Variants in ADGRV1 observed in about 807,000 individuals in gnomAD.
The protein encoded by ADGRV1 is G-protein coupled receptor 98.
Under a neutral mutation model 596.2 loss-of-function variants are expected in ADGRV1, and 359 were observed. The observed-to-expected ratio is 0.60, with a 90% confidence interval of 0.55 to 0.66. The LOEUF (loss-of-function observed/expected upper bound fraction) is 0.66. Ranked by LOEUF, ADGRV1 falls within the 30% of genes least tolerant of loss-of-function variation. The pLI, the probability that ADGRV1 is intolerant of heterozygous loss-of-function variation, is 0.00. For missense variants in ADGRV1, 7,274 were observed against 7,575.6 expected (o/e 0.96, Z 1.48); for synonymous variants, 2,681 against 2,679.2 (o/e 1.00, Z -0.02).
rs1765375520 is a variant in ADGRV1, at chr5:90,840,972, A to G, written c.17006A>G (p.His5669Arg). 7.2e-7 allele frequency: 1 copy of G among 1,387,924 alleles called. No individual in the cohort carries two copies. Among genetic ancestry groups the G allele is most frequent in the African/African-American group, 1.4e-5 (1 of 69,448 alleles). The allele number at this position is 1,387,924 out of a possible 1,614,324, so 86.0% of individuals were successfully genotyped here. ...NTDEQLSAMM[H>R]LIEKITTEGK... ...GATGAACAACTCAGTGCCATGATGC[A>G]TTTAATAGAAAAGGTAAGTTTTTGT... The change falls in exon 78 of 90, where the codon CAT becomes CGT. Residue 5669 changes from histidine to arginine, a missense_variant. By Grantham distance (29) the His-to-Arg change is conservative. Around this residue, in one of 5 missense-constraint regions of ADGRV1, gnomAD observed 1,874 missense variants for 1,970.2 expected, o/e 0.95. Transcript: ENST00000405460.
At chr5:90,831,244 T>C (rs1310173975) in intron 77 of ADGRV1, among the ~76,000 whole-genome samples, 3 of 151,282 alleles carry the variant, frequency 2.0e-5, no homozygotes, top group Admixed American at 6.6e-5. Flanking sequence ...TCTATATATA[T>C]ATACACACAC....
intron 83 of ADGRV1, among the ~76,000 whole-genome samples, chr5:90,962,835 A>T (rs1333046006): frequency 6.6e-6 from 1 of 152,222 alleles, no homozygotes; most frequent in Non-Finnish European, 1.5e-5. Flanking sequence ...AGTGTAATAA[A>T]ATATCAAATC....
At chr5:90,987,902 C>T (rs964389354) in intron 85 of ADGRV1, among the ~76,000 whole-genome samples, 6 of 152,038 alleles carry the variant, frequency 3.9e-5, no homozygotes, top group South Asian at 2.1e-4. Flanking sequence ...CTTTCTGGAA[C>T]GTGTTTTCTC....
At chr5:90,622,828 C>G (rs1764268015) in intron 5 of ADGRV1, 127 bp downstream of exon 5, 8 of 379,296 alleles carry the variant, frequency 2.1e-5, no homozygotes, top group Non-Finnish European at 3.7e-5. Context: ...GCAACCTCTG[C>G]CTCCCAGGTT....
At chr5:90,968,739 A>G (rs1201267007) in intron 84 of ADGRV1, among the ~76,000 whole-genome samples, 4 of 152,198 alleles carry the variant, frequency 2.6e-5, no homozygotes, top group South Asian at 2.1e-4. Flanking sequence ...TTTTAAAAAC[A>G]TTATGTAGAA....
At chr5:90,573,598 A>G (rs1054415375) in intron 1 of ADGRV1, among the ~76,000 whole-genome samples, 12 of 152,188 alleles carry the variant, frequency 7.9e-5, no homozygotes, top group East Asian at 7.7e-4. Flanking sequence ...ATGGACCACC[A>G]TCATATACCT....
At chr5:90,743,534 C>T (rs1194448786) in intron 50 of ADGRV1, among the ~76,000 whole-genome samples, 2 of 147,352 alleles carry the variant, frequency 1.4e-5, no homozygotes, top group African/African-American at 2.5e-5. Flanking sequence ...AGCAGTGGCA[C>T]GATCTCGGCT....
intron 87 of ADGRV1, among the ~76,000 whole-genome samples, chr5:91,140,799 T>C (rs1174061080): frequency 9.2e-5 from 14 of 152,348 alleles, no homozygotes; most frequent in Non-Finnish European, 1.8e-4. Context: ...AGAAATAGTC[T>C]GGCTCCTGAT....
rs192477196 is a variant in ADGRV1, at chr5:90,652,494, C to T, written c.3565C>T (p.Leu1189Phe). The T allele has an allele frequency of 3.7e-6, 6 of 1,613,228 alleles. No individual in the cohort carries two copies. In the African/African-American group the frequency reaches 8.0e-5, roughly 22 times the overall value. The change falls in exon 19 of 90, where the codon CTC becomes TTC. Residue 1189 changes from leucine (L) to phenylalanine (F), a missense_variant. This residue lies in a region of ADGRV1 where 1,715 missense variants were observed against 1,708.8 expected (regional missense o/e 1.00). Transcript: ENST00000405460. ...TGGAGAAGAAGCAAAACCAATCATT[C>T]TCCATGCTTTTCCAGATAAAATTCC... The part of the protein sequence containing the change: ...MDGEEAKPII[L>F]HAFPDKIPEF...
In ADGRV1 at chr5:90,675,185, A is replaced by G. The variant is rs1488542664; in HGVS notation, c.5111-58A>G. The G allele has an allele frequency of 2.8e-6, 4 of 1,429,634 alleles. No homozygotes were observed. In the African/African-American group the frequency reaches 4.2e-5, roughly 15 times the overall value. The allele number at this position is 1,429,634 out of a possible 1,614,324, so 88.6% of individuals were successfully genotyped here. On this transcript the variant is annotated intron_variant, in intron 23 of 89. Coordinates refer to ENST00000405460, the MANE Select transcript of ADGRV1 (RefSeq NM_032119.4). ...AATTGTGTAAGATCGCTTTAATTGAATAAGAAATTCTTGCACAGTTCATTG... is the reference window on the plus strand; with the variant it reads ...AATTGTGTAAGATCGCTTTAATTGAGTAAGAAATTCTTGCACAGTTCATTG...
In ADGRV1 at chr5:90,653,770, A is replaced by G; in HGVS notation, c.4196A>G (p.His1399Arg). The G allele has an allele frequency of 3.1e-6, 5 of 1,613,406 alleles. No individual in the cohort carries two copies. Among genetic ancestry groups the G allele is most frequent in the Non-Finnish European group, 4.2e-6 (5 of 1,179,654 alleles). Residue 1399 changes from histidine (H) to arginine (R), a missense_variant, in exon 20 of 90, where the codon CAT becomes CGT. Physicochemically the swap from His to Arg is conservative, Grantham distance 29. Transcript: ENST00000405460. Reference protein sequence around the residue: ...TNESHVTLSLHYKTLGSNATY... With the variant: ...TNESHVTLSLRYKTLGSNATY... ...GAATCCCATGTGACACTTTCCCTTC[A>G]TTATAAAACCTTGGGTTCCAATGCT...
intron 77 of ADGRV1, among the ~76,000 whole-genome samples, chr5:90,831,629 G>A (rs191554056): frequency 4.0e-5 from 6 of 151,332 alleles, no homozygotes; most frequent in Non-Finnish European, 5.9e-5. Flanking sequence ...GACTATAGTC[G>A]TGCTGTTGTG....
chr5:90,606,390 A>G (rs1173859200), intron 1 of ADGRV1, among the ~76,000 whole-genome samples: 1 of 152,154 alleles, frequency 6.6e-6, no homozygotes, highest in South Asian at 2.1e-4. Flanking sequence ...TATACCAGGG[A>G]CTGTACTAGG....
intron 1 of ADGRV1, among the ~76,000 whole-genome samples, chr5:90,608,658 T>C (rs1762385410): frequency 6.6e-6 from 1 of 152,104 alleles, no homozygotes; most frequent in Admixed American, 6.6e-5. Flanking sequence ...ATAAGCTTTC[T>C]CAGGCTGTGA....
intron 21 of ADGRV1, among the ~76,000 whole-genome samples, chr5:90,665,968 G>A (rs1771287959): frequency 6.7e-6 from 1 of 150,018 alleles, no homozygotes; most frequent in Non-Finnish European, 1.5e-5. Flanking sequence ...ATTGCACTGT[G>A]GTCTGAGAGA....
At chr5:91,026,012 A>G (rs1305944102) in intron 85 of ADGRV1, among the ~76,000 whole-genome samples, 1 of 152,182 alleles carries the variant, frequency 6.6e-6, no homozygotes, top group African/African-American at 2.4e-5. Flanking sequence ...TCAGTGCTAC[A>G]GTGAAATTGA....
intron 21 of ADGRV1, among the ~76,000 whole-genome samples, chr5:90,660,365 G>T (rs1366410358): frequency 6.6e-6 from 1 of 151,974 alleles, no homozygotes; most frequent in African/African-American, 2.4e-5. Flanking sequence ...TGTGTACAGG[G>T]GTCCTGAAAC....
At chr5:90,642,576 G>T in intron 11 of ADGRV1, 60 bp from the exon 12 acceptor site, 3 of 1,581,934 alleles carry the variant, frequency 1.9e-6, no homozygotes, top group Non-Finnish European at 2.6e-6. Context: ...TTAAAAGCCT[G>T]CAAAATTCAG....
Position 90,692,613 on chromosome 5 carries a change from A to C in ADGRV1, c.6960A>C (p.Gln2320His), listed in dbSNP as rs1746625345. ...DDVPEIEEVIQVQLTDASGGG... is the reference protein window; with the variant it reads ...DDVPEIEEVIHVQLTDASGGG... The stretch of plus-strand genomic sequence containing the variant: ...TTTCACTGTATTTTTAGGTTATCCA[A>C]GTGCAACTAACTGATGCCTCTGGTG... Residue 2320 changes from glutamine to histidine, a missense_variant, in exon 32 of 90, where the codon CAA (glutamine) becomes CAC (histidine). Physicochemically the swap from Gln to His is conservative, Grantham distance 24 (BLOSUM62 0). Around this residue, in one of 5 missense-constraint regions of ADGRV1, gnomAD observed 3,643 missense variants for 3,809.2 expected, o/e 0.96. Coordinates refer to ENST00000405460, the MANE Select transcript of ADGRV1 (RefSeq NM_032119.4). 1 of 1,607,142 alleles carries C rather than the reference A, an allele frequency of 6.2e-7. No individual in the cohort carries two copies.
Sources: gnomAD v4.1 joint callset for allele counts (sites outside exome capture counted in the v4.1 genomes callset) on GRCh38, gnomAD v4.1.1 for gene constraint, gnomAD v4.1.1 regional missense constraint, MANE v1.5 for transcripts, NCBI Gene and HGNC (gene_info 2026-07-23, HGNC 2026-07-21) for gene names.